Variants in LYPLA1 observed in about 807,000 individuals in gnomAD.
The protein encoded by LYPLA1 is acyl-protein thioesterase 1.
Under a neutral mutation model 34.0 loss-of-function variants are expected in LYPLA1, and 17 were observed. The observed-to-expected ratio is 0.50, with a 90% confidence interval of 0.34 to 0.75. LYPLA1 has a LOEUF of 0.75. Ranked by LOEUF, LYPLA1 falls within the 30% of genes least tolerant of loss-of-function variation. The pLI, the probability that LYPLA1 is intolerant of heterozygous loss-of-function variation, is 0.01. For missense variants in LYPLA1, 203 were observed against 288.8 expected, an observed-to-expected ratio of 0.70 and a Z score of 2.15; for synonymous variants, 98 against 100.8, an observed-to-expected ratio of 0.97 and a Z score of 0.17.
At chr8:54,091,543 A>T (rs760184175) in intron 2 of LYPLA1, among the ~76,000 whole-genome samples, 1 of 147,228 alleles carries the variant, frequency 6.8e-6, no homozygotes, top group Admixed American at 6.8e-5. Flanking sequence ...AAAGAAAAGA[A>T]AAGAAAAGAA....
intron 2 of LYPLA1, among the ~76,000 whole-genome samples, chr8:54,087,236 A>T (rs1378202835): frequency 6.6e-6 from 1 of 152,258 alleles, no homozygotes; most frequent in East Asian, 1.9e-4. Context: ...TCTATACACT[A>T]GCAATGAACA....
intron 2 of LYPLA1, among the ~76,000 whole-genome samples, chr8:54,077,866 A>C (rs1808023025): frequency 6.6e-6 from 1 of 152,164 alleles, no homozygotes; most frequent in African/African-American, 2.4e-5. Flanking sequence ...AGAATGAAAA[A>C]TACTCCTGGG....
At chr8:54,059,893 C>G (rs888333255) in intron 5 of LYPLA1, among the ~76,000 whole-genome samples, 2 of 152,106 alleles carry the variant, frequency 1.3e-5, no homozygotes, top group Non-Finnish European at 2.9e-5. Flanking sequence ...GTACTCTAAC[C>G]TGGGCGACAG....
intron 2 of LYPLA1, among the ~76,000 whole-genome samples, chr8:54,070,273 C>T (rs1263624707): frequency 6.6e-6 from 1 of 152,164 alleles, no homozygotes; most frequent in African/African-American, 2.4e-5. Context: ...CGAGATCGTG[C>T]CACTGCAGTC....
intron 2 of LYPLA1, among the ~76,000 whole-genome samples, chr8:54,085,841 C>A (rs1808711026): frequency 6.8e-6 from 1 of 147,530 alleles, no homozygotes; most frequent in South Asian, 2.1e-4. Context: ...GCCAGCCGCC[C>A]CGTCCGCGAG....
At chr8:54,088,749 G>A (rs931954527) in intron 2 of LYPLA1, among the ~76,000 whole-genome samples, 1 of 152,150 alleles carries the variant, frequency 6.6e-6, no homozygotes, top group Admixed American at 6.5e-5. Context: ...ATTTTTATGT[G>A]AATTTTCTTA....
chr8:54,096,454 T>C (rs1378897506), intron 2 of LYPLA1, among the ~76,000 whole-genome samples: 1 of 151,920 alleles, frequency 6.6e-6, no homozygotes, highest in Non-Finnish European at 1.5e-5. Context: ...ACTACAAAAA[T>C]CTGACTGGAC....
At position 54,051,162 on chromosome 8, in the gene LYPLA1, A is replaced by C. The variant is rs768959719; in HGVS notation, c.489T>G (p.Asp163Glu). Residue 163 changes from aspartate to glutamate, a missense_variant, in exon 8 of 9, where the codon GAT becomes GAG. Asp to Glu is a conservative substitution (Grantham distance 45, BLOSUM62 2). Transcript: ENST00000316963. ...CCCCGTGGCACTGGAGAATAGAAAT[A>C]TCTCTATTAGCACCACCGATAGGAC... Reference protein sequence around the residue: ...PQGPIGGANRDISILQCHGDC... With the variant: ...PQGPIGGANREISILQCHGDC... 4 of 1,613,714 alleles carry C rather than the reference A, an allele frequency of 2.5e-6. No homozygotes were observed. The highest frequency in any genetic ancestry group is 2.5e-6 in the Non-Finnish European group (3 of 1,179,880).
Position 54,101,937 on chromosome 8 carries a change from TGC to T in LYPLA1, c.-116_-115del. On this transcript the variant is annotated 5_prime_UTR_variant, in exon 1 of 9. Coordinates refer to ENST00000316963, the MANE Select transcript of LYPLA1 (RefSeq NM_006330.4). ...CCCACCGGGCGCACGCTCAGGCGCG[TGC>T]GCGCCAACGCGGCCCCGCGCTACCT... 1 of 461,264 alleles carries T rather than the reference TGC, an allele frequency of 2.2e-6. No homozygotes were observed. 28.6% of individuals were successfully genotyped at this position (461,264 alleles called of 1,614,324 possible).
intron 8 of LYPLA1, among the ~76,000 whole-genome samples, chr8:54,050,357 C>T (rs1466292382): frequency 6.6e-6 from 1 of 152,188 alleles, no homozygotes; most frequent in African/African-American, 2.4e-5. Flanking sequence ...TGCTGGATCA[C>T]CTGTCTCTAG....
At chr8:54,085,131 C>T (rs891229032) in intron 2 of LYPLA1, among the ~76,000 whole-genome samples, 7 of 152,212 alleles carry the variant, frequency 4.6e-5, no homozygotes, top group African/African-American at 7.2e-5. Context: ...CTGCCGAAGG[C>T]GCGCACTGCC....
chr8:54,059,843 AC>A (rs1806471385), intron 5 of LYPLA1, among the ~76,000 whole-genome samples: 1 of 152,140 alleles, frequency 6.6e-6, no homozygotes, highest in Non-Finnish European at 1.5e-5. Flanking sequence ...GTTGCTGGAG[AC>A]CAGGAATTTG....
At chr8:54,080,599 G>T (rs35292579) in intron 2 of LYPLA1, among the ~76,000 whole-genome samples, 1 of 151,836 alleles carries the variant, frequency 6.6e-6, no homozygotes, top group Non-Finnish European at 1.5e-5. Flanking sequence ...TATTTATTAC[G>T]TTTCTTGAGA....
intron 8 of LYPLA1, among the ~76,000 whole-genome samples, chr8:54,049,293 CCTT>C (rs1269983346): frequency 1.0e-3 from 155 of 152,364 alleles, no homozygotes; most frequent in African/African-American, 3.5e-3. Flanking sequence ...CCTCCGGCCT[CCTT>C]CATTCTATCA....
At chr8:54,069,419 T>A (rs7820688) in intron 2 of LYPLA1, among the ~76,000 whole-genome samples, 1 of 151,874 alleles carries the variant, frequency 6.6e-6, no homozygotes, top group Non-Finnish European at 1.5e-5. Context: ...AAAAATACTT[T>A]AAAAAAAACT....
chr8:54,055,275 A>G lies in LYPLA1; in HGVS notation c.287-142T>C, dbSNP rs182249131. On this transcript the variant is annotated intron_variant, in intron 5 of 8. Coordinates refer to ENST00000316963, the MANE Select transcript of LYPLA1 (RefSeq NM_006330.4). ...GTGAAAAATTCAAAGCACTTCATTA[A>G]AATACAAAATTAGAATGTATTTTCA... 1,101 of 578,000 alleles carry G rather than the reference A, an allele frequency of 1.9e-3. 9 individuals carry two copies. The African/African-American group carries it at 0.019, about 10-fold the overall frequency. The allele number at this position is 578,000 out of a possible 1,614,324, so 35.8% of individuals were successfully genotyped here. A position where few individuals can be genotyped will look rare whatever the true frequency, so the allele number is the denominator to read the frequency against.
At chr8:54,090,075 A>T (rs1159278449) in intron 2 of LYPLA1, among the ~76,000 whole-genome samples, 2 of 152,222 alleles carry the variant, frequency 1.3e-5, no homozygotes, top group African/African-American at 4.8e-5. Context: ...TCACATCACC[A>T]AGATTCCTAT....
At chr8:54,068,218 A>C (rs1442801954) in intron 2 of LYPLA1, among the ~76,000 whole-genome samples, 3 of 152,330 alleles carry the variant, frequency 2.0e-5, no homozygotes, top group Middle Eastern at 6.8e-3. Context: ...AAGAAATACA[A>C]GAAAATCTAT....
intron 2 of LYPLA1, among the ~76,000 whole-genome samples, chr8:54,088,198 A>G (rs535798878): frequency 2.0e-5 from 3 of 152,354 alleles, no homozygotes; most frequent in Admixed American, 2.0e-4. Flanking sequence ...CATAAAGTAC[A>G]TTGATTTCTT....
Sources: gnomAD v4.1 joint callset for allele counts (sites outside exome capture counted in the v4.1 genomes callset) on GRCh38, gnomAD v4.1.1 for gene constraint, MANE v1.5 for transcripts, NCBI Gene and HGNC (gene_info 2026-07-23, HGNC 2026-07-21) for gene names.